RUNX1: variants seen among roughly 807,000 people sequenced by gnomAD.
The protein encoded by RUNX1 is runt-related transcription factor 1.
In RUNX1, 19 loss-of-function variants were observed where a neutral mutation model predicts 42.8. The observed-to-expected ratio is 0.44, with a 90% CI of 0.31 to 0.65. RUNX1 has a LOEUF of 0.65. Among genes scored for constraint, RUNX1 ranks in the 30% least tolerant of loss-of-function variants. The pLI, the probability that RUNX1 is intolerant of heterozygous loss-of-function variation, is 0.07. For synonymous variants in RUNX1, 271 were observed against 289.4 expected (o/e 0.94, Z 0.64); for missense variants, 528 against 672.0 (o/e 0.79, Z 2.37).
rs558686652 is a variant in RUNX1 at position 34,788,088 on chromosome 21, G to A, written c.*4047C>T. On this transcript the variant is annotated 3_prime_UTR_variant, in exon 9 of 9. Transcript: ENST00000675419. ...GGATATTCTCTCATGTCATCTGGCT[G>A]AAGACACCAGCTTGACAGTTCCCCT... The A allele has an allele frequency of 1.2e-4, 29 of 233,334 alleles. No individual in the cohort carries two copies. Among genetic ancestry groups the A allele is most frequent in the Non-Finnish European group, 1.9e-4 (23 of 118,074 alleles). The allele number at this position is 233,334 out of a possible 1,614,324, so 14.5% of individuals were successfully genotyped here.
At chr21:34,813,162 G>T (rs984465160) in intron 7 of RUNX1, among the ~76,000 whole-genome samples, 12 of 152,098 alleles carry the variant, frequency 7.9e-5, no homozygotes, top group Non-Finnish European at 1.5e-4. Context: ...ACTGAGGAAG[G>T]GGGAGTGCTA....
intron 2 of RUNX1, among the ~76,000 whole-genome samples, chr21:34,939,844 GT>G (rs879584819): frequency 3.5e-4 from 54 of 152,146 alleles, no homozygotes; most frequent in Non-Finnish European, 7.4e-4. Flanking sequence ...TTGTTTCCAG[GT>G]TTTTTTATTT....
chr21:34,834,000 C>A, intron 7 of RUNX1: 1 of 354,696 alleles, frequency 2.8e-6, no homozygotes. Context: ...TGAAACATCC[C>A]ATCTTCACTT....
chr21:35,038,535 C>G lies in RUNX1; in HGVS notation c.58+10307G>C, dbSNP rs570479867. 230 of 454,100 alleles carry G rather than the reference C, an allele frequency of 5.1e-4. 5 individuals carry two copies. The highest frequency in any genetic ancestry group is 3.5e-3 in the South Asian group (227 of 64,472). The allele number at this position is 454,100 out of a possible 1,614,324, so 28.1% of individuals were successfully genotyped here. On this transcript the variant is annotated intron_variant, in intron 2 of 8. Coordinates refer to ENST00000675419, the MANE Select transcript of RUNX1 (RefSeq NM_001754.5). ...TTCAGTACATCCTGGGGAGAAGTCC[C>G]AATGGATTCCCTAAGCATGGGAATT...
chr21:35,024,487 A>G (rs1169739503), intron 2 of RUNX1, among the ~76,000 whole-genome samples: 2 of 152,208 alleles, frequency 1.3e-5, no homozygotes, highest in African/African-American at 2.4e-5. Context: ...TGTGTGTGCT[A>G]TTAGTAATCA....
At chr21:34,921,436 A>C (rs1307101545) in intron 2 of RUNX1, among the ~76,000 whole-genome samples, 1 of 152,156 alleles carries the variant, frequency 6.6e-6, no homozygotes, top group Non-Finnish European at 1.5e-5. Context: ...AATGTCCTCA[A>C]GCTTCATCCA....
At chr21:34,934,079 T>C (rs2058467564) in intron 2 of RUNX1, among the ~76,000 whole-genome samples, 2 of 152,202 alleles carry the variant, frequency 1.3e-5, no homozygotes, top group Non-Finnish European at 2.9e-5. Context: ...CTTGCCTTTG[T>C]TCTAAGACAC....
At chr21:34,815,559 A>G (rs1001061756) in intron 7 of RUNX1, among the ~76,000 whole-genome samples, 7 of 152,156 alleles carry the variant, frequency 4.6e-5, no homozygotes, top group African/African-American at 1.4e-4. Context: ...GAAAAAGAGT[A>G]AACTTGGAAG....
At chr21:35,031,161 C>A (rs1282289080) in intron 2 of RUNX1, among the ~76,000 whole-genome samples, 1 of 152,244 alleles carries the variant, frequency 6.6e-6, no homozygotes, top group East Asian at 1.9e-4. Context: ...CCAGCCTGAC[C>A]AACATGGAGA....
chr21:34,886,383 C>A (rs1187407252), intron 4 of RUNX1, among the ~76,000 whole-genome samples: 1 of 152,204 alleles, frequency 6.6e-6, no homozygotes, highest in East Asian at 1.9e-4. Flanking sequence ...TAGTTAGTTT[C>A]TTTTCACTGA....
intron 2 of RUNX1, among the ~76,000 whole-genome samples, chr21:35,040,828 A>T (rs1412068968): frequency 6.6e-6 from 1 of 151,418 alleles, no homozygotes; most frequent in East Asian, 1.9e-4. Context: ...ATGGAATGTG[A>T]CTATGGAATA....
At chr21:34,853,052 G>C (rs2057445896) in intron 6 of RUNX1, among the ~76,000 whole-genome samples, 1 of 152,178 alleles carries the variant, frequency 6.6e-6, no homozygotes, top group Non-Finnish European at 1.5e-5. Flanking sequence ...CCCAGACTTG[G>C]ACCACTACTC....
intron 6 of RUNX1, among the ~76,000 whole-genome samples, chr21:34,845,031 A>AG: frequency 6.6e-6 from 1 of 152,348 alleles, no homozygotes; most frequent in Middle Eastern, 3.4e-3. Flanking sequence ...TTCAGGCATC[A>AG]GGCTCACTTC....
intron 2 of RUNX1, among the ~76,000 whole-genome samples, chr21:34,989,162 C>T (rs2058916713): frequency 6.6e-6 from 1 of 152,108 alleles, no homozygotes. Context: ...GCGCCCGCCG[C>T]CACACCCAGC....
chr21:34,951,853 T>A (rs2058610800), intron 2 of RUNX1, among the ~76,000 whole-genome samples: 1 of 152,182 alleles, frequency 6.6e-6, no homozygotes, highest in Admixed American at 6.5e-5. Flanking sequence ...GAAATACCAT[T>A]TGACCCAGCA....
rs79087516 is a variant in RUNX1 at position 34,907,433 on chromosome 21, T to C, written c.59-14470A>G. Among the ~76,000 whole-genome samples the C allele has an allele frequency of 0.033, 5,067 of 152,116 alleles. 97 individuals carry two copies. The highest frequency in any genetic ancestry group is 0.099 in the Middle Eastern group (29 of 294). ...TAGAGTGCTTCATCAGTAGTAAGGGTGAATACTGCTTCCTGAAGCTCTTTT... is the reference window on the plus strand; with the variant it reads ...TAGAGTGCTTCATCAGTAGTAAGGGCGAATACTGCTTCCTGAAGCTCTTTT... On this transcript the variant is annotated intron_variant, in intron 2 of 8. Coordinates refer to ENST00000675419, the MANE Select transcript of RUNX1 (RefSeq NM_001754.5). This position sits in a 1 kb window ranked among gnomAD's most constrained non-coding sequence, Gnocchi z 5.3.
intron 7 of RUNX1, among the ~76,000 whole-genome samples, chr21:34,825,227 T>A (rs895877549): frequency 2.0e-5 from 3 of 152,188 alleles, no homozygotes; most frequent in African/African-American, 7.2e-5. Context: ...TTGGTCATCA[T>A]GTCATCTTTT....
intron 2 of RUNX1, among the ~76,000 whole-genome samples, chr21:34,979,263 C>T (rs1025186954): frequency 6.6e-6 from 1 of 152,042 alleles, no homozygotes; most frequent in African/African-American, 2.4e-5. Flanking sequence ...CCAAGATATG[C>T]CTCAAGCGTT....
At chr21:34,831,651 C>T (rs1392354314) in intron 7 of RUNX1, among the ~76,000 whole-genome samples, 1 of 152,174 alleles carries the variant, frequency 6.6e-6, no homozygotes, top group South Asian at 2.1e-4. Flanking sequence ...GGATATTTTT[C>T]TGAAAACTAC....
Sources: allele counts gnomAD v4.1 joint callset (sites outside exome capture counted in the v4.1 genomes callset), GRCh38; gene constraint gnomAD v4.1.1; non-coding constraint Gnocchi (gnomAD v3.1); transcripts MANE v1.5; gene names NCBI Gene and HGNC (gene_info 2026-07-23, HGNC 2026-07-21).